The following ZBTB20 variants were observed in gnomAD, a reference collection of about 807,000 sequenced individuals.
ZBTB20 encodes the protein zinc finger and BTB domain-containing protein 20.
A neutral mutation model predicts 56.9 loss-of-function variants in ZBTB20; 9 were observed. The ratio of observed to expected loss-of-function variants is 0.16; its 90% confidence interval spans 0.10 to 0.28. The LOEUF (loss-of-function observed/expected upper bound fraction) is 0.28. Ranked by LOEUF, ZBTB20 falls within the 10% of genes least tolerant of loss-of-function variation. The probability of loss-of-function intolerance (pLI) is 1.00; values close to 1 mark genes in which losing one functional copy is unlikely to be tolerated. For synonymous variants in ZBTB20, 417 were observed against 420.7 expected, an observed-to-expected ratio of 0.99 and a Z score of 0.11; for missense variants, 655 against 1,003.0, an observed-to-expected ratio of 0.65 and a Z score of 4.69.
rs747399622 is a variant in ZBTB20 at position 114,339,446 on chromosome 3, C to G, written c.1805-20G>C. The G allele has an allele frequency of 6.2e-7, 1 of 1,609,168 alleles. No homozygotes were observed. Among genetic ancestry groups the G allele is most frequent in the East Asian group, 2.2e-5 (1 of 44,794 alleles). On this transcript the variant is annotated intron_variant, in intron 11 of 11. Coordinates refer to ENST00000675478, the MANE Select transcript of ZBTB20 (RefSeq NM_001348800.3). The surrounding 1 kb of genome is among the most constrained non-coding windows in gnomAD (Gnocchi z 4.2). ...TCTCACCTGTTGATGTAGGAAGAGA[C>G]AGCAAGCAGGACAGAGCGAGACATA...
At chr3:114,849,116 G>A (rs2074867181) in intron 4 of ZBTB20, among the ~76,000 whole-genome samples, 1 of 152,208 alleles carries the variant, frequency 6.6e-6, no homozygotes, top group Non-Finnish European at 1.5e-5. Flanking sequence ...TAAGTATTGA[G>A]AGAGTCCCTG....
intron 7 of ZBTB20, among the ~76,000 whole-genome samples, chr3:114,429,118 C>T (rs1256355756): frequency 6.6e-6 from 1 of 152,102 alleles, no homozygotes; most frequent in African/African-American, 2.4e-5. Flanking sequence ...CAAGAAGCCA[C>T]GGACTAGATT....
intron 5 of ZBTB20, among the ~76,000 whole-genome samples, chr3:114,794,139 G>A (rs375946644): frequency 1.3e-5 from 2 of 151,864 alleles, no homozygotes; most frequent in East Asian, 3.9e-4. Context: ...CTACTTAATC[G>A]TTCTGGGGCT....
At chr3:115,033,994 A>G (rs758849996) in intron 2 of ZBTB20, among the ~76,000 whole-genome samples, 1 of 151,818 alleles carries the variant, frequency 6.6e-6, no homozygotes, top group Non-Finnish European at 1.5e-5. Flanking sequence ...AAATAAAGGG[A>G]AAAAACAATA....
chr3:114,430,248 T>C (rs1475424452), intron 7 of ZBTB20, among the ~76,000 whole-genome samples: 1 of 152,214 alleles, frequency 6.6e-6, no homozygotes, highest in Non-Finnish European at 1.5e-5. Context: ...CTAGGTTCTT[T>C]ACACAAATTA....
At chr3:114,683,051 G>C (rs995133962) in intron 6 of ZBTB20, among the ~76,000 whole-genome samples, 5 of 151,934 alleles carry the variant, frequency 3.3e-5, no homozygotes, top group Non-Finnish European at 7.4e-5. Flanking sequence ...TTTTTTCAGA[G>C]AGAAATATAG....
At chr3:114,962,152 C>T (rs2077476408) in intron 3 of ZBTB20, among the ~76,000 whole-genome samples, 1 of 150,786 alleles carries the variant, frequency 6.6e-6, no homozygotes, top group Non-Finnish European at 1.5e-5. Context: ...TTTCTAAGCT[C>T]CCTTTTCCAC....
chr3:114,380,685 G>GCTGT, intron 9 of ZBTB20, 92 bp downstream of exon 9: 1 of 1,426,738 alleles, frequency 7.0e-7, no homozygotes, highest in Non-Finnish European at 9.1e-7. Flanking sequence ...GACAGCTTGA[G>GCTGT]CTACGTATGG....
At chr3:114,540,500 CCAAA>C (rs1484020113) in intron 6 of ZBTB20, among the ~76,000 whole-genome samples, 3 of 152,038 alleles carry the variant, frequency 2.0e-5, no homozygotes, top group Admixed American at 2.0e-4. Flanking sequence ...TGTACTGGTA[CCAAA>C]CAGACTGGCA....
intron 2 of ZBTB20, among the ~76,000 whole-genome samples, chr3:114,985,580 A>G (rs896378784): frequency 6.6e-6 from 1 of 152,106 alleles, no homozygotes; most frequent in Non-Finnish European, 1.5e-5. Flanking sequence ...TATGATGTCA[A>G]AAACAATTGA....
In ZBTB20 at chr3:114,781,165, A is replaced by G. The variant is rs567563553; in HGVS notation, c.-343+19936T>C. On this transcript the variant is annotated intron_variant, in intron 5 of 11. Coordinates refer to ENST00000675478, the MANE Select transcript of ZBTB20 (RefSeq NM_001348800.3). ...TTTTTAATGTAGGCTGTGGAATCAG[A>G]CTCCCTGGGACTGAATTTTGATTTT... is the stretch of plus-strand genomic sequence containing the variant. 2.6e-5 allele frequency among the ~76,000 whole-genome samples: 4 copies of G among 152,160 alleles called. No individual in the cohort carries two copies. The East Asian group carries it at 7.7e-4, about 29-fold the overall frequency.
intron 6 of ZBTB20, among the ~76,000 whole-genome samples, chr3:114,537,649 G>C (rs888770083): frequency 1.3e-5 from 2 of 152,072 alleles, no homozygotes; most frequent in African/African-American, 4.8e-5. Context: ...CATACCCAAA[G>C]TATTAGAAAT....
intron 3 of ZBTB20, among the ~76,000 whole-genome samples, chr3:114,909,272 T>C (rs145444630): frequency 1.6e-4 from 25 of 151,702 alleles, no homozygotes; most frequent in African/African-American, 5.1e-4. Context: ...GTTTAAAAAG[T>C]TAAAAAAAAT....
intron 2 of ZBTB20, among the ~76,000 whole-genome samples, chr3:115,041,451 T>G (rs930807804): frequency 6.6e-6 from 1 of 152,110 alleles, no homozygotes; most frequent in African/African-American, 2.4e-5. Context: ...TGAAAAACAA[T>G]TGGGAACTAG....
At chr3:115,137,085 T>A (rs2084670714) in intron 1 of ZBTB20, among the ~76,000 whole-genome samples, 1 of 152,100 alleles carries the variant, frequency 6.6e-6, no homozygotes, top group African/African-American at 2.4e-5. Flanking sequence ...ATGTATCCAT[T>A]TGAATTATAT....
rs535345547 is a variant in ZBTB20, at chr3:114,803,034, TC to T, written c.-416-1861del. On this transcript the variant is annotated intron_variant, in intron 4 of 11. Transcript: ENST00000675478. ...AGATGGTCAGTGTACCAATTTTCATTCCCCCCCCATGCCATTTCTCCTTCTC... is the reference window on the plus strand; with the variant it reads ...AGATGGTCAGTGTACCAATTTTCATTCCCCCCCATGCCATTTCTCCTTCTC... Among the ~76,000 whole-genome samples the T allele has an allele frequency of 8.4e-3, 1,262 of 151,094 alleles. 14 individuals are homozygous for T. Among genetic ancestry groups the T allele is most frequent in the African/African-American group, 0.028 (1,154 of 41,224 alleles).
At chr3:114,841,244 C>T (rs187423500) in intron 4 of ZBTB20, among the ~76,000 whole-genome samples, 45 of 152,162 alleles carry the variant, frequency 3.0e-4, no homozygotes, top group Non-Finnish European at 5.3e-4. Flanking sequence ...TTGAGACTTG[C>T]AAGATTGGTT....
chr3:114,749,338 G>C (rs886724132), intron 5 of ZBTB20, among the ~76,000 whole-genome samples: 3 of 152,122 alleles, frequency 2.0e-5, no homozygotes, highest in African/African-American at 7.2e-5. Flanking sequence ...CGGATCACAA[G>C]GTCAGGAATT....
intron 1 of ZBTB20, among the ~76,000 whole-genome samples, chr3:115,121,119 G>A (rs940494658): frequency 1.3e-5 from 2 of 152,024 alleles, no homozygotes; most frequent in African/African-American, 4.8e-5. Flanking sequence ...ATAACCCGTT[G>A]AGCTACGGTC....
Sources: gnomAD v4.1 joint callset for allele counts (sites outside exome capture counted in the v4.1 genomes callset) on GRCh38, gnomAD v4.1.1 for gene constraint, Gnocchi (gnomAD v3.1) non-coding constraint, MANE v1.5 for transcripts, NCBI Gene and HGNC (gene_info 2026-07-23, HGNC 2026-07-21) for gene names.